The following NR2C2 variants were observed in gnomAD, a reference collection of about 807,000 sequenced individuals.
NR2C2 encodes the protein nuclear receptor subfamily 2 group C member 2.
A neutral mutation model predicts 62.9 loss-of-function variants in NR2C2; 6 were observed. The ratio of observed to expected loss-of-function variants is 0.10; its 90% CI spans 0.05 to 0.19. NR2C2 has a LOEUF of 0.19. Ranked by LOEUF, NR2C2 falls within the 10% of genes least tolerant of loss-of-function variation. NR2C2 has a pLI of 1.00. For synonymous variants in NR2C2, 272 were observed against 273.8 expected (o/e 0.99, Z 0.07); for missense variants, 479 against 762.7 (o/e 0.63, Z 4.38).
chr3:15,048,250 C>T lies in NR2C2; in HGVS notation c.*5242C>T, dbSNP rs1434820788. 3 of 152,654 alleles carry T rather than the reference C, an allele frequency of 2.0e-5. No individual in the cohort carries two copies. Among genetic ancestry groups the T allele is most frequent in the African/African-American group, 7.2e-5 (3 of 41,454 alleles). 9.5% of individuals were successfully genotyped at this position (152,654 alleles called of 1,614,324 possible). On this transcript the variant is annotated 3_prime_UTR_variant, in exon 14 of 14. Coordinates refer to ENST00000425241, the MANE Select transcript of NR2C2 (RefSeq NM_001291694.2). ...CTTCTATTTCACTGGCCTCATCCCA[C>T]AAGATTGTGCGACCTTTCCCCGTCA...
chr3:14,995,002 ATAAGT>A (rs1244594945), intron 1 of NR2C2, among the ~76,000 whole-genome samples: 1 of 115,102 alleles, frequency 8.7e-6, no homozygotes, highest in African/African-American at 3.5e-5. Context: ...TTTTTTTGAG[ATAAGT>A]TCTCATTCTG....
intron 1 of NR2C2, among the ~76,000 whole-genome samples, chr3:14,997,742 A>T (rs2040872108): frequency 6.6e-6 from 1 of 152,212 alleles, no homozygotes; most frequent in Non-Finnish European, 1.5e-5. Context: ...AGAAAAAAAA[A>T]TTTAATAGCC....
At chr3:14,965,398 G>C (rs547122730) in intron 1 of NR2C2, among the ~76,000 whole-genome samples, 1 of 151,794 alleles carries the variant, frequency 6.6e-6, no homozygotes, top group Non-Finnish European at 1.5e-5. Context: ...GTTAATATAG[G>C]CTAATGTAAG....
At chr3:14,984,745 G>A (rs1251027456) in intron 1 of NR2C2, among the ~76,000 whole-genome samples, 1 of 152,036 alleles carries the variant, frequency 6.6e-6, no homozygotes. Flanking sequence ...AAGTTGCTGT[G>A]AACATTTGTG....
intron 1 of NR2C2, 46 bp downstream of exon 1, chr3:14,947,952 G>A (rs1215244918): frequency 6.6e-6 from 1 of 150,984 alleles, no homozygotes; most frequent in Non-Finnish European, 1.5e-5. Context: ...GCGGCGGAGG[G>A]GGCGGGCCTG....
intron 1 of NR2C2, among the ~76,000 whole-genome samples, chr3:14,962,924 G>T (rs1257090838): frequency 6.6e-6 from 1 of 152,164 alleles, no homozygotes; most frequent in East Asian, 1.9e-4. Context: ...TTATATGGGG[G>T]TGAATGAGTC....
chr3:15,008,216 G>GTTT, intron 2 of NR2C2, among the ~76,000 whole-genome samples: 1 of 127,702 alleles, frequency 7.8e-6, no homozygotes. Flanking sequence ...TTTTTTGTTT[G>GTTT]TTTGTTTTTT....
At chr3:14,988,503 C>T (rs1338788020) in intron 1 of NR2C2, among the ~76,000 whole-genome samples, 1 of 152,228 alleles carries the variant, frequency 6.6e-6, no homozygotes. Flanking sequence ...GGCCAGAGGG[C>T]AGGAGCAAAT....
intron 1 of NR2C2, among the ~76,000 whole-genome samples, chr3:14,988,992 CTT>C (rs1205923160): frequency 6.6e-6 from 1 of 152,208 alleles, no homozygotes; most frequent in Non-Finnish European, 1.5e-5. Flanking sequence ...CGTAATACCT[CTT>C]TTCTCCTACT....
chr3:14,950,472 C>G (rs2039320247), intron 1 of NR2C2, among the ~76,000 whole-genome samples: 3 of 150,176 alleles, frequency 2.0e-5, no homozygotes, highest in South Asian at 2.1e-4. Flanking sequence ...TTCCTGTGCT[C>G]TAGACACACT....
intron 1 of NR2C2, among the ~76,000 whole-genome samples, chr3:14,967,778 A>C (rs972203887): frequency 2.6e-5 from 4 of 152,240 alleles, no homozygotes. Context: ...TGGTATTGGT[A>C]CCAAAACAGA....
At chr3:14,997,590 A>G (rs1464686843) in intron 1 of NR2C2, among the ~76,000 whole-genome samples, 2 of 152,178 alleles carry the variant, frequency 1.3e-5, no homozygotes, top group East Asian at 1.9e-4. Context: ...CATACCTCCT[A>G]TAAAATGGTT....
chr3:15,028,101 C>T (rs1288841118), intron 7 of NR2C2, among the ~76,000 whole-genome samples: 1 of 152,178 alleles, frequency 6.6e-6, no homozygotes, highest in African/African-American at 2.4e-5. Flanking sequence ...CTCAGGTGAT[C>T]CACCTCCCTT....
rs369772232 is a variant in NR2C2, at chr3:14,958,218, CTTG to C, written c.-40+10321_-40+10323del. On this transcript the variant is annotated intron_variant, in intron 1 of 13. Coordinates refer to ENST00000425241, the MANE Select transcript of NR2C2 (RefSeq NM_001291694.2). Reference sequence around the variant, plus strand: ...ACTGTTTATTCTCCTCTTTCTCCTCCTTGTTGTTGTTAATTCTCAGCAGTCAGT... The same window carrying C: ...ACTGTTTATTCTCCTCTTTCTCCTCCTTGTTGTTAATTCTCAGCAGTCAGT... Among the ~76,000 whole-genome samples the C allele has an allele frequency of 2.7e-3, 412 of 152,308 alleles. 1 individual carries two copies. Among genetic ancestry groups the C allele is most frequent in the African/African-American group, 9.2e-3 (384 of 41,570 alleles).
In NR2C2 at chr3:15,048,086, CCA is replaced by C. The variant is rs746691995; in HGVS notation, c.*5081_*5082del. 7 of 152,662 alleles carry C rather than the reference CCA, an allele frequency of 4.6e-5. No homozygotes were observed. The highest frequency in any genetic ancestry group is 2.1e-4 in the South Asian group (1 of 4,828). 9.5% of individuals were successfully genotyped at this position (152,662 alleles called of 1,614,324 possible). A position where few individuals can be genotyped will look rare whatever the true frequency, so the allele number is the denominator to read the frequency against. On this transcript the variant is annotated 3_prime_UTR_variant, in exon 14 of 14. Coordinates refer to ENST00000425241, the MANE Select transcript of NR2C2 (RefSeq NM_001291694.2). ...AGATTGCTGCAAAAACTCACATAAT[CCA>C]CAGTTTCCTCTTTTTCTTTTTAAAA...
chr3:15,015,011 C>T, intron 3 of NR2C2, among the ~76,000 whole-genome samples: 1 of 152,190 alleles, frequency 6.6e-6, no homozygotes, highest in African/African-American at 2.4e-5. Flanking sequence ...AGAACGCCAA[C>T]ATGTTCAGCT....
chr3:14,969,160 A>C (rs953083323), intron 1 of NR2C2, among the ~76,000 whole-genome samples: 18 of 152,118 alleles, frequency 1.2e-4, no homozygotes, highest in Non-Finnish European at 2.2e-4. Flanking sequence ...AAAAAGAAAA[A>C]AAAATTTCCC....
intron 1 of NR2C2, among the ~76,000 whole-genome samples, chr3:14,964,151 T>A (rs2039770083): frequency 6.6e-6 from 1 of 152,112 alleles, no homozygotes; most frequent in Admixed American, 6.5e-5. Context: ...TAATCAAGAG[T>A]TAAGTTCCTA....
At chr3:14,974,222 T>A (rs1224656976) in intron 1 of NR2C2, among the ~76,000 whole-genome samples, 3 of 152,174 alleles carry the variant, frequency 2.0e-5, no homozygotes, top group Admixed American at 1.3e-4. Flanking sequence ...TAGCATAATA[T>A]CCTCCCGGTT....
Sources: gnomAD v4.1 joint callset for allele counts (sites outside exome capture counted in the v4.1 genomes callset) on GRCh38, gnomAD v4.1.1 for gene constraint, MANE v1.5 for transcripts, NCBI Gene and HGNC (gene_info 2026-07-23, HGNC 2026-07-21) for gene names.